The following IRX5 variants were observed in gnomAD, a reference collection of about 807,000 sequenced individuals.
IRX5 encodes the protein iroquois-class homeodomain protein IRX-5.
IRX5 carries 8 observed loss-of-function variants against 37.6 expected under a neutral mutation model. The ratio of observed to expected loss-of-function variants is 0.21; its 90% CI spans 0.12 to 0.38. The LOEUF is 0.38. Ranked by LOEUF, IRX5 falls within the 10% of genes least tolerant of loss-of-function variation. IRX5 has a pLI of 1.00. For synonymous variants in IRX5, 359 were observed against 328.6 expected (o/e 1.09, Z -1.00); for missense variants, 635 against 695.2 (o/e 0.91, Z 0.97).
At position 54,932,362 on chromosome 16, in the gene IRX5, C is replaced by T. The variant is rs1963908704; in HGVS notation, c.250-136C>T. ...GCTCCTAGGTCTGAACCCCGCCAGC[C>T]TTGCCCCGTAGGAAGCTGGAGTGCG... On this transcript the variant is annotated intron_variant, in intron 1 of 2. Transcript: ENST00000394636. This position sits in a 1 kb window ranked among gnomAD's most constrained non-coding sequence, Gnocchi z 6.7. 9.8e-7 allele frequency: 1 copy of T among 1,021,046 alleles called. No homozygotes were observed. Among genetic ancestry groups the T allele is most frequent in the Non-Finnish European group, 1.4e-6 (1 of 714,924 alleles). 63.2% of individuals were successfully genotyped at this position (1,021,046 alleles called of 1,614,324 possible). A position where few individuals can be genotyped will look rare whatever the true frequency, so the allele number is the denominator to read the frequency against.
intron 1 of IRX5, chr16:54,931,971 G>A (rs1329341835): frequency 1.1e-5 from 7 of 646,198 alleles, no homozygotes; most frequent in Admixed American, 9.7e-5. Context: ...TTTTTCGGCC[G>A]GGTTGTAACT....
Position 54,933,180 on chromosome 16 carries a change from G to A in IRX5, c.759G>A (p.Lys253=), listed in dbSNP as rs1419262145. The part of the protein sequence containing the change: ...TEGSLSDSDF[K]EPPSEGRLDA... Reference sequence around the variant, plus strand: ...GCAGCCTCAGCGACTCGGATTTTAAGGAGCCGCCCTCGGAGGGCCGCCTCG... The same window carrying A: ...GCAGCCTCAGCGACTCGGATTTTAAAGAGCCGCCCTCGGAGGGCCGCCTCG... The change falls in exon 3 of 3, where the codon AAG becomes AAA. Residue 253 remains lysine (K), a synonymous_variant. Transcript: ENST00000394636. 6.4e-7 allele frequency: 1 copy of A among 1,558,020 alleles called. No individual in the cohort carries two copies. Among genetic ancestry groups the A allele is most frequent in the Admixed American group, 1.9e-5 (1 of 53,898 alleles).
In IRX5 at chr16:54,932,882, G is replaced by C; in HGVS notation, c.634G>C (p.Asp212His). 3 of 1,611,424 alleles carry C rather than the reference G, an allele frequency of 1.9e-6. No individual in the cohort carries two copies. Among genetic ancestry groups the C allele is most frequent in the Non-Finnish European group, 2.5e-6 (3 of 1,178,586 alleles). ...GCCCCAGAAGCCCGAGGACAAGGGC[G>C]ACCCCGAGGGCCCCGAAGCAGGTTG... ...DEPQKPEDKG[D>H]PEGPEAGGAE... Residue 212 changes from aspartate to histidine, a missense_variant, in exon 2 of 3, where the codon GAC (aspartate) becomes CAC (histidine). Physicochemically the swap from Asp to His is moderately conservative, Grantham distance 81. This residue lies in a region of IRX5 where 244 missense variants were observed against 205.4 expected (regional missense o/e 1.19). Transcript: ENST00000394636. The surrounding 1 kb of genome is among the most constrained non-coding windows in gnomAD (Gnocchi z 6.7).
rs773991479 is a variant in IRX5 at position 54,931,316 on chromosome 16, T to C, written c.118T>C (p.Ser40Pro). Residue 40 changes from serine (S) to proline (P), a missense_variant, in exon 1 of 3, where the codon TCT becomes CCT. Coordinates refer to ENST00000394636, the MANE Select transcript of IRX5 (RefSeq NM_005853.6). The stretch of plus-strand genomic sequence containing the variant: ...CCGCACGGATGAGCTCGGCCGCTCT[T>C]CTTCGGGCTCCGCGTTCTCGCCCTA... Reference protein sequence around the residue: ...GPRTDELGRSSSGSAFSPYAG... With the variant: ...GPRTDELGRSPSGSAFSPYAG... 3.1e-6 allele frequency: 5 copies of C among 1,612,116 alleles called. No homozygotes were observed. In the Admixed American group the frequency reaches 8.3e-5, roughly 27 times the overall value.
At position 54,931,278 on chromosome 16, in the gene IRX5, T is replaced by C. The variant is rs1389403969; in HGVS notation, c.80T>C (p.Val27Ala). 6.2e-7 allele frequency: 1 copy of C among 1,612,496 alleles called. No homozygotes were observed. Among genetic ancestry groups the C allele is most frequent in the African/African-American group, 1.3e-5 (1 of 74,876 alleles). The part of the protein sequence containing the change: ...LYSCPAYSTS[V>A]ISGPRTDELG... ...TCGTGCCCGGCGTACAGCACCAGCG[T>C]CATTTCGGGGCCCCGCACGGATGAG... is the stretch of plus-strand genomic sequence containing the variant. The change falls in exon 1 of 3, where the codon GTC (valine) becomes GCC (alanine). Residue 27 changes from valine to alanine, a missense_variant. This residue lies in a region of IRX5 where 145 missense variants were observed against 152.4 expected (regional missense o/e 0.95). Coordinates refer to ENST00000394636, the MANE Select transcript of IRX5 (RefSeq NM_005853.6).
Position 54,933,368 on chromosome 16 carries a change from T to C in IRX5, c.947T>C (p.Val316Ala), listed in dbSNP as rs1413327028. The change falls in exon 3 of 3, where the codon GTT becomes GCT. Residue 316 changes from valine to alanine, a missense_variant. Val to Ala is a moderately conservative substitution (Grantham distance 64). Around this residue, in one of 5 missense-constraint regions of IRX5, gnomAD observed 244 missense variants for 205.4 expected, o/e 1.19. Coordinates refer to ENST00000394636, the MANE Select transcript of IRX5 (RefSeq NM_005853.6). ...CCTCCGGGTCCCGGCGGGCCCTCGG[T>C]TATCCATTCGCCGCCTCCGCCGCCG... ...EVPPGPGGPS[V>A]IHSPPPPPPP... 1 of 1,526,836 alleles carries C rather than the reference T, an allele frequency of 6.5e-7. No homozygotes were observed. 94.6% of individuals were successfully genotyped at this position (1,526,836 alleles called of 1,614,324 possible). A position where few individuals can be genotyped will look rare whatever the true frequency, so the allele number is the denominator to read the frequency against.
At position 54,933,191 on chromosome 16, in the gene IRX5, C is replaced by G. The variant is rs1173793665; in HGVS notation, c.770C>G (p.Ser257Trp). 2 of 1,543,878 alleles carry G rather than the reference C, an allele frequency of 1.3e-6. No individual in the cohort carries two copies. The highest frequency in any genetic ancestry group is 3.8e-5 in the Admixed American group (2 of 52,088). The change falls in exon 3 of 3, where the codon TCG (serine) becomes TGG (tryptophan). Residue 257 changes from serine (S) to tryptophan (W), a missense_variant. Around this residue, in one of 5 missense-constraint regions of IRX5, gnomAD observed 244 missense variants for 205.4 expected, o/e 1.19. Transcript: ENST00000394636. ...LSDSDFKEPPSEGRLDALQGP... is the reference protein window; with the variant it reads ...LSDSDFKEPPWEGRLDALQGP... ...GACTCGGATTTTAAGGAGCCGCCCT[C>G]GGAGGGCCGCCTCGACGCGCTGCAG...
rs758001770 is a variant in IRX5, at chr16:54,932,612, A to G, written c.364A>G (p.Arg122Gly). The change falls in exon 2 of 3, where the codon AGG becomes GGG. Residue 122 changes from arginine to glycine, a missense_variant. Transcript: ENST00000394636. The surrounding 1 kb of genome is among the most constrained non-coding windows in gnomAD (Gnocchi z 6.7). Reference sequence around the variant, plus strand: ...CCCAGCGTACCGGAAGAACGCCACAAGGGACGCCACGGCTACCCTCAAGGC... The same window carrying G: ...CCCAGCGTACCGGAAGAACGCCACAGGGGACGCCACGGCTACCCTCAAGGC... ...GDPAYRKNAT[R>G]DATATLKAWL... 1 of 1,614,084 alleles carries G rather than the reference A, an allele frequency of 6.2e-7. No homozygotes were observed. The highest frequency in any genetic ancestry group is 8.5e-7 in the Non-Finnish European group (1 of 1,180,014).
At position 54,932,439 on chromosome 16, in the gene IRX5, T is replaced by A; in HGVS notation, c.250-59T>A. ...GAGCGCAGGGAAAAGGGTGCTTCGG[T>A]CGTTCCGATGGCAGTGGAGACCACG... is the stretch of plus-strand genomic sequence containing the variant. On this transcript the variant is annotated intron_variant, in intron 1 of 2. Transcript: ENST00000394636. This position sits in a 1 kb window ranked among gnomAD's most constrained non-coding sequence, Gnocchi z 6.7. 1 of 1,533,556 alleles carries A rather than the reference T, an allele frequency of 6.5e-7. No homozygotes were observed. Among genetic ancestry groups the A allele is most frequent in the Non-Finnish European group, 8.8e-7 (1 of 1,138,726 alleles). The allele number at this position is 1,533,556 out of a possible 1,614,324, so 95.0% of individuals were successfully genotyped here. A position where few individuals can be genotyped will look rare whatever the true frequency, so the allele number is the denominator to read the frequency against.
Position 54,933,784 on chromosome 16 carries a change from A to G in IRX5, c.1363A>G (p.Lys455Glu), listed in dbSNP as rs772544482. ...TVLNRADALA[K>E]DPKMLRSQSQ... is the part of the protein sequence containing the mutation. The stretch of plus-strand genomic sequence containing the variant: ...GTTGAACCGAGCGGACGCTTTGGCT[A>G]AAGACCCGAAAATGTTGCGGAGCCA... Residue 455 changes from lysine (K) to glutamate (E), a missense_variant, in exon 3 of 3, where the codon AAA becomes GAA. Around this residue, in one of 5 missense-constraint regions of IRX5, gnomAD observed 188 missense variants for 200.8 expected, o/e 0.94. Coordinates refer to ENST00000394636, the MANE Select transcript of IRX5 (RefSeq NM_005853.6). 1 of 1,614,132 alleles carries G rather than the reference A, an allele frequency of 6.2e-7. No homozygotes were observed. Among genetic ancestry groups the G allele is most frequent in the Non-Finnish European group, 8.5e-7 (1 of 1,179,996 alleles).
chr16:54,931,058 G>T lies in IRX5; in HGVS notation c.-141G>T. ...CGGGAAGCCAGCGAGGAGGCGCCGCGGGCCGGAGCCCCGGAGCCGGGGCCA... is the reference window on the plus strand; with the variant it reads ...CGGGAAGCCAGCGAGGAGGCGCCGCTGGCCGGAGCCCCGGAGCCGGGGCCA... On this transcript the variant is annotated 5_prime_UTR_variant, in exon 1 of 3. Coordinates refer to ENST00000394636, the MANE Select transcript of IRX5 (RefSeq NM_005853.6). The T allele has an allele frequency of 2.2e-6, 1 of 449,594 alleles. No individual in the cohort carries two copies. The highest frequency in any genetic ancestry group is 9.0e-5 in the South Asian group (1 of 11,052). 27.9% of individuals were successfully genotyped at this position (449,594 alleles called of 1,614,324 possible).
At chr16:54,931,987 C>T (rs1221318227) in intron 1 of IRX5, 2 of 677,796 alleles carry the variant, frequency 3.0e-6, no homozygotes, top group African/African-American at 3.6e-5. Flanking sequence ...TAACTTCGGT[C>T]TGGGGTAGTA....
Position 54,933,370 on chromosome 16 carries a change from A to G in IRX5, c.949A>G (p.Ile317Val). 6.5e-7 allele frequency: 1 copy of G among 1,529,026 alleles called. No homozygotes were observed. Among genetic ancestry groups the G allele is most frequent in the Non-Finnish European group, 8.8e-7 (1 of 1,142,646 alleles). The allele number at this position is 1,529,026 out of a possible 1,614,324, so 94.7% of individuals were successfully genotyped here. A position where few individuals can be genotyped will look rare whatever the true frequency, so the allele number is the denominator to read the frequency against. ...VPPGPGGPSVIHSPPPPPPPA... is the reference protein window; with the variant it reads ...VPPGPGGPSVVHSPPPPPPPA... Reference sequence around the variant, plus strand: ...TCCGGGTCCCGGCGGGCCCTCGGTTATCCATTCGCCGCCTCCGCCGCCGCC... The same window carrying G: ...TCCGGGTCCCGGCGGGCCCTCGGTTGTCCATTCGCCGCCTCCGCCGCCGCC... The change falls in exon 3 of 3, where the codon ATC (isoleucine) becomes GTC (valine). Residue 317 changes from isoleucine (I) to valine (V), a missense_variant. This residue lies in a region of IRX5 where 244 missense variants were observed against 205.4 expected (regional missense o/e 1.19). Transcript: ENST00000394636.
In IRX5 at chr16:54,931,081, C is replaced by T; in HGVS notation, c.-118C>T. 1.4e-6 allele frequency: 1 copy of T among 719,684 alleles called. No homozygotes were observed. The highest frequency in any genetic ancestry group is 1.7e-6 in the Non-Finnish European group (1 of 572,616). 44.6% of individuals were successfully genotyped at this position (719,684 alleles called of 1,614,324 possible). A position where few individuals can be genotyped will look rare whatever the true frequency, so the allele number is the denominator to read the frequency against. Reference sequence around the variant, plus strand: ...GCGGGCCGGAGCCCCGGAGCCGGGGCCAGAGGAGCGGCGGCCCAGGGCAGC... The same window carrying T: ...GCGGGCCGGAGCCCCGGAGCCGGGGTCAGAGGAGCGGCGGCCCAGGGCAGC... On this transcript the variant is annotated 5_prime_UTR_variant, in exon 1 of 3. Transcript: ENST00000394636.
intron 1 of IRX5, chr16:54,931,986 T>C: frequency 4.4e-6 from 3 of 676,522 alleles, no homozygotes; most frequent in Middle Eastern, 2.4e-4. Context: ...GTAACTTCGG[T>C]CTGGGGTAGT....
In IRX5 at chr16:54,933,836, C is replaced by G. The variant is rs535761760; in HGVS notation, c.1415C>G (p.Ser472Cys). The G allele has an allele frequency of 2.7e-5, 44 of 1,609,746 alleles. 1 individual carries two copies. In the South Asian group the frequency reaches 4.1e-4, roughly 15 times the overall value. Residue 472 changes from serine (S) to cysteine (C), a missense_variant, in exon 3 of 3, where the codon TCT (serine) becomes TGT (cysteine). By Grantham distance (112) the Ser-to-Cys change is moderately radical. Around this residue, in one of 5 missense-constraint regions of IRX5, gnomAD observed 188 missense variants for 200.8 expected, o/e 0.94. Coordinates refer to ENST00000394636, the MANE Select transcript of IRX5 (RefSeq NM_005853.6). The part of the protein sequence containing the change: ...SQSQLDLCKD[S>C]PYELKKGMSD... Reference sequence around the variant, plus strand: ...TCTCAGCTAGACCTGTGCAAAGACTCTCCCTATGAATTGAAGAAAGGTATG... The same window carrying G: ...TCTCAGCTAGACCTGTGCAAAGACTGTCCCTATGAATTGAAGAAAGGTATG...
rs1354845413 is a variant in IRX5 at position 54,933,244 on chromosome 16, C to T, written c.823C>T (p.Pro275Ser). 2.1e-6 allele frequency: 3 copies of T among 1,408,646 alleles called. No homozygotes were observed. Among genetic ancestry groups the T allele is most frequent in the South Asian group, 1.5e-5 (1 of 66,414 alleles). The allele number at this position is 1,408,646 out of a possible 1,614,324, so 87.3% of individuals were successfully genotyped here. ...QGPPRTGGPS[P>S]AGPAAARLAE... ...CCCCCCCCGCACCGGCGGGCCCTCCCCGGCTGGGCCAGCGGCGGCGCGGCT... is the reference window on the plus strand; with the variant it reads ...CCCCCCCCGCACCGGCGGGCCCTCCTCGGCTGGGCCAGCGGCGGCGCGGCT... Residue 275 changes from proline (P) to serine (S), a missense_variant, in exon 3 of 3, where the codon CCG (proline) becomes TCG (serine). Transcript: ENST00000394636.
Position 54,933,384 on chromosome 16 carries a change from TCCGCCG to T in IRX5, c.969_974del (p.Pro325_Pro326del), listed in dbSNP as rs779486877. The T allele has an allele frequency of 6.5e-7, 1 of 1,547,224 alleles. No homozygotes were observed. Among genetic ancestry groups the T allele is most frequent in the Non-Finnish European group, 8.7e-7 (1 of 1,150,628 alleles). On this transcript the variant is annotated inframe_deletion, in exon 3 of 3. Transcript: ENST00000394636. ...GGCCCTCGGTTATCCATTCGCCGCC[TCCGCCG>T]CCGCCTCCTGCGGTGCTCGCCAAGC...
rs1298520951 is a variant in IRX5, at chr16:54,933,031, C to A, written c.656-46C>A. Reference sequence around the variant, plus strand: ...GCCTTTGCGGGCGGGAACCGGGTCCCGCCGCGCGGCCTCTGCGCCCCTGAC... The same window carrying A: ...GCCTTTGCGGGCGGGAACCGGGTCCAGCCGCGCGGCCTCTGCGCCCCTGAC... On this transcript the variant is annotated intron_variant, in intron 2 of 2. Coordinates refer to ENST00000394636, the MANE Select transcript of IRX5 (RefSeq NM_005853.6). 3.1e-6 allele frequency: 5 copies of A among 1,603,868 alleles called. No homozygotes were observed. In the Admixed American group the frequency reaches 8.5e-5, roughly 27 times the overall value.
Sources: gnomAD v4.1 joint callset for allele counts on GRCh38, gnomAD v4.1.1 for gene constraint, gnomAD v4.1.1 regional missense constraint, Gnocchi (gnomAD v3.1) non-coding constraint, MANE v1.5 for transcripts, NCBI Gene and HGNC (gene_info 2026-07-23, HGNC 2026-07-21) for gene names.